The following PI4KB variants were observed in gnomAD, a reference collection of about 807,000 sequenced individuals.
PI4KB encodes the protein phosphatidylinositol 4-kinase beta, also known as PtdIns 4-kinase beta.
In PI4KB, 23 loss-of-function variants were observed where a neutral mutation model predicts 81.4. The observed-to-expected ratio is 0.28, with a 90% CI of 0.20 to 0.40. The LOEUF (loss-of-function observed/expected upper bound fraction) is 0.40, where lower values mean the gene tolerates loss of function less well. PI4KB is among the 10% of genes least tolerant of loss of function. The probability of loss-of-function intolerance (pLI) is 1.00; values close to 1 mark genes in which losing one functional copy is unlikely to be tolerated. For synonymous variants in PI4KB, 381 were observed against 406.8 expected, an observed-to-expected ratio of 0.94 and a Z score of 0.76; for missense variants, 651 against 1,036.6, an observed-to-expected ratio of 0.63 and a Z score of 5.11.
rs189495722 is a variant in PI4KB at position 151,319,041 on chromosome 1, T to G, written c.-28-2532A>C. ...ATCCTCATTCAGCCTTTCAGAAATG[T>G]GCAACTTATGCAAGCCATTTATCCT... On this transcript the variant is annotated intron_variant, in intron 1 of 11. Transcript: ENST00000368873. Among the ~76,000 whole-genome samples the G allele has an allele frequency of 1.2e-4, 19 of 152,318 alleles. No homozygotes were observed. In the East Asian group the frequency reaches 3.5e-3, roughly 28 times the overall value.
chr1:151,325,548 T>C (rs1362294203), intron 1 of PI4KB, among the ~76,000 whole-genome samples: 1 of 152,188 alleles, frequency 6.6e-6, no homozygotes, highest in Non-Finnish European at 1.5e-5. Context: ...ACATACTTTC[T>C]ACCTATAGAA....
chr1:151,310,335 C>T, intron 2 of PI4KB, 80 bp from the exon 3 acceptor site: 1 of 928,146 alleles, frequency 1.1e-6, no homozygotes, highest in Non-Finnish European at 1.7e-6. Context: ...GAATTTAGCT[C>T]CAACTTGGAT....
chr1:151,316,895 T>C (rs1253827471), intron 1 of PI4KB, among the ~76,000 whole-genome samples: 2 of 152,200 alleles, frequency 1.3e-5, no homozygotes, highest in Admixed American at 1.3e-4. Context: ...CAATCTCAGC[T>C]CACTGTAAGT....
At chr1:151,305,501 T>C (rs1252338599) in intron 5 of PI4KB, among the ~76,000 whole-genome samples, 1 of 152,180 alleles carries the variant, frequency 6.6e-6, no homozygotes, top group Non-Finnish European at 1.5e-5. Context: ...TTGCATGCAG[T>C]GTTCCCTCTG....
chr1:151,316,086 C>T lies in PI4KB; in HGVS notation c.396G>A (p.Arg132=). 2 of 1,614,132 alleles carry T rather than the reference C, an allele frequency of 1.2e-6. No individual in the cohort carries two copies. The highest frequency in any genetic ancestry group is 2.2e-5 in the South Asian group (2 of 91,084). ...NNSAKQSWLL[R]LFESKLFDIS... is the part of the protein sequence containing the mutation. ...TGTCAAACAGTTTTGACTCAAACAG[C>T]CTCAGCAGCCAAGACTGTTTAGCTG... The change falls in exon 2 of 12, where the codon AGG becomes AGA. Residue 132 remains arginine (R), a synonymous_variant. Transcript: ENST00000368873.
intron 5 of PI4KB, among the ~76,000 whole-genome samples, chr1:151,304,983 C>T (rs972148637): frequency 2.6e-5 from 4 of 152,154 alleles, no homozygotes; most frequent in Admixed American, 1.3e-4. Flanking sequence ...GCACATGCCA[C>T]CACGCCCGGC....
In PI4KB at chr1:151,298,897, G is replaced by T. The variant is rs371124316; in HGVS notation, c.1926C>A (p.Thr642=). 6.8e-6 allele frequency: 11 copies of T among 1,614,054 alleles called. No individual in the cohort carries two copies. Among genetic ancestry groups the T allele is most frequent in the African/African-American group, 1.3e-5 (1 of 74,946 alleles). Residue 642 remains threonine, a synonymous_variant, in exon 9 of 12, where the codon ACC becomes ACA. Coordinates refer to ENST00000368873, the MANE Select transcript of PI4KB (RefSeq NM_001369623.2). ...DYFLQEHGSY[T]TEAFLSAQRN... ...GCTGTGCACTGAGGAATGCCTCAGTGGTGTAACTGCCGTGCTCCTGTAGGA... is the reference window on the plus strand; with the variant it reads ...GCTGTGCACTGAGGAATGCCTCAGTTGTGTAACTGCCGTGCTCCTGTAGGA...
chr1:151,316,423 CCAGAAGTGGGCT>C lies in PI4KB; in HGVS notation c.47_58del (p.Glu16_Ser19del). 6.3e-7 allele frequency: 1 copy of C among 1,583,896 alleles called. No homozygotes were observed. Among genetic ancestry groups the C allele is most frequent in the Non-Finnish European group, 8.6e-7 (1 of 1,165,198 alleles). On this transcript the variant is annotated inframe_deletion, in exon 2 of 12. Transcript: ENST00000368873. ...GGACCCCCCATTATTCCCTGGTGGG[CCAGAAGTGGGCT>C]CAGAAGTTGGCTTCAAGGGGGCAGG... is the stretch of plus-strand genomic sequence containing the variant.
chr1:151,303,864 G>T (rs1310695393), intron 5 of PI4KB, among the ~76,000 whole-genome samples: 1 of 152,028 alleles, frequency 6.6e-6, no homozygotes. Context: ...AGATTCCCAG[G>T]CCCCACCATC....
chr1:151,295,345 G>GA (rs1206260541), intron 9 of PI4KB, among the ~76,000 whole-genome samples: 1 of 152,222 alleles, frequency 6.6e-6, no homozygotes, highest in Non-Finnish European at 1.5e-5. Flanking sequence ...GCCAAAAGAG[G>GA]AGGGACAAAA....
chr1:151,303,477 A>T (rs1364036554), intron 6 of PI4KB, 64 bp downstream of exon 6: 1 of 956,502 alleles, frequency 1.0e-6, no homozygotes, highest in Non-Finnish European at 1.7e-6. Flanking sequence ...GAGGAAGGTA[A>T]CAAAGAGATG....
At chr1:151,327,515 C>CA (rs199688728), upstream of PI4KB, 475 of 395,042 alleles carry the variant, frequency 1.2e-3, no homozygotes, top group Admixed American at 9.8e-3. Flanking sequence ...CAACCAAGAC[C>CA]AAAAAAATAA....
In PI4KB at chr1:151,316,471, G is replaced by C. The variant is rs888671749; in HGVS notation, c.11C>G (p.Thr4Arg). The C allele has an allele frequency of 6.5e-7, 1 of 1,531,602 alleles. No homozygotes were observed. Among genetic ancestry groups the C allele is most frequent in the Non-Finnish European group, 8.8e-7 (1 of 1,142,408 alleles). The allele number at this position is 1,531,602 out of a possible 1,614,324, so 94.9% of individuals were successfully genotyped here. A position where few individuals can be genotyped will look rare whatever the true frequency, so the allele number is the denominator to read the frequency against. The change falls in exon 2 of 12, where the codon ACA (threonine) becomes AGA (arginine). Residue 4 changes from threonine (T) to arginine (R), a missense_variant. Thr to Arg is a moderately conservative substitution (Grantham distance 71). Around this residue, in one of 5 missense-constraint regions of PI4KB, gnomAD observed 314 missense variants for 397.8 expected, o/e 0.79. Coordinates refer to ENST00000368873, the MANE Select transcript of PI4KB (RefSeq NM_001369623.2). Reference protein sequence around the residue: MGDTVVEPAPLKPT... With the variant: MGDRVVEPAPLKPT... ...CTTCAAGGGGGCAGGCTCCACTACT[G>C]TATCTCCCATGGCCACAGCCAGACT...
chr1:151,294,610 C>A lies in PI4KB; in HGVS notation c.2016-69G>T, dbSNP rs587711821. 49 of 1,492,552 alleles carry A rather than the reference C, an allele frequency of 3.3e-5. No individual in the cohort carries two copies. The African/African-American group carries it at 5.8e-4, about 18-fold the overall frequency. The allele number at this position is 1,492,552 out of a possible 1,614,324, so 92.5% of individuals were successfully genotyped here. A position where few individuals can be genotyped will look rare whatever the true frequency, so the allele number is the denominator to read the frequency against. On this transcript the variant is annotated intron_variant, in intron 9 of 11. Transcript: ENST00000368873. The stretch of plus-strand genomic sequence containing the variant: ...TGACTGAGGCTGGAACCTTAAGCAG[C>A]AATACACTGGCCACATGACACCAGG...
chr1:151,323,632 G>A lies in PI4KB; in HGVS notation c.-29+3639C>T, dbSNP rs149913974. On this transcript the variant is annotated intron_variant, in intron 1 of 11. Transcript: ENST00000368873. ...CCCAGCTACTCGGGAGGCTGAGGCA[G>A]GAGAACTGCTTGAACCCTGAGGCAG... Among the ~76,000 whole-genome samples the A allele has an allele frequency of 4.2e-3, 645 of 152,312 alleles. 2 individuals carry two copies. Among genetic ancestry groups the A allele is most frequent in the African/African-American group, 0.015 (624 of 41,574 alleles).
intron 11 of PI4KB, 163 bp from the exon 12 acceptor site, chr1:151,293,196 C>CAGG: frequency 1.0e-6 from 1 of 985,374 alleles, no homozygotes; most frequent in Non-Finnish European, 1.2e-6. Context: ...AAGGAACCGG[C>CAGG]AGGAACCCCT....
chr1:151,294,613 T>C (rs922781188), intron 9 of PI4KB, 72 bp from the exon 10 acceptor site: 2 of 1,459,762 alleles, frequency 1.4e-6, no homozygotes, highest in African/African-American at 2.8e-5. Context: ...TAAGCAGCAA[T>C]ACACTGGCCA....
At chr1:151,302,776 G>A (rs1477747487) in intron 6 of PI4KB, among the ~76,000 whole-genome samples, 1 of 150,606 alleles carries the variant, frequency 6.6e-6, no homozygotes, top group Non-Finnish European at 1.5e-5. Flanking sequence ...GTAGAGATGG[G>A]GTTTCATCGT....
intron 11 of PI4KB, 53 bp downstream of exon 11, chr1:151,293,965 A>C: frequency 6.2e-7 from 1 of 1,609,096 alleles, no homozygotes; most frequent in South Asian, 1.1e-5. Flanking sequence ...CAGGGCTCCG[A>C]CTTAAAGGGG....
Sources: allele counts gnomAD v4.1 joint callset (sites outside exome capture counted in the v4.1 genomes callset), GRCh38; gene constraint gnomAD v4.1.1; regional missense constraint gnomAD v4.1.1; transcripts MANE v1.5; gene names NCBI Gene and HGNC (gene_info 2026-07-23, HGNC 2026-07-21).